The following EPB41 variants were observed in gnomAD, a reference collection of about 807,000 sequenced individuals.
EPB41 encodes the protein erythrocyte membrane protein band 4.1, also known as protein 4.1.
In EPB41, 65 loss-of-function variants were observed where a neutral mutation model predicts 108.0. The ratio of observed to expected loss-of-function variants is 0.60; its 90% confidence interval spans 0.49 to 0.74. The LOEUF is 0.74. EPB41 is among the 30% of genes least tolerant of loss of function. The pLI is 0.00. For missense variants in EPB41, 875 were observed against 1,037.0 expected (o/e 0.84, Z 2.15); for synonymous variants, 336 against 358.9 (o/e 0.94, Z 0.72).
chr1:29,072,091 C>T (rs879357729), intron 16 of EPB41: 1 of 152,098 alleles, frequency 6.6e-6, no homozygotes, highest in Admixed American at 6.6e-5. Flanking sequence ...TCATTATAGG[C>T]TTTCCCAAGA....
intron 11 of EPB41, among the ~76,000 whole-genome samples, chr1:29,040,486 C>T (rs1030588410): frequency 6.6e-5 from 10 of 151,838 alleles, no homozygotes; most frequent in East Asian, 3.9e-4. Context: ...TCACTATGTT[C>T]GCCAGGCTGG....
chr1:29,057,907 A>C (rs973633290), intron 12 of EPB41, among the ~76,000 whole-genome samples: 13 of 152,220 alleles, frequency 8.5e-5, no homozygotes, highest in African/African-American at 3.1e-4. Context: ...CAGTGTGTTG[A>C]ATGTTGCAGC....
chr1:29,025,494 G>T (rs2096707880), intron 7 of EPB41, among the ~76,000 whole-genome samples: 1 of 151,950 alleles, frequency 6.6e-6, no homozygotes. Flanking sequence ...TGGTTTAGAG[G>T]TATCTAATCT....
chr1:29,027,894 G>A (rs996810287), intron 7 of EPB41, among the ~76,000 whole-genome samples: 12 of 151,772 alleles, frequency 7.9e-5, no homozygotes, highest in African/African-American at 2.9e-4. Context: ...ACGCAATCTC[G>A]GCTCACCACA....
chr1:29,014,691 A>G (rs1035181136), intron 5 of EPB41, among the ~76,000 whole-genome samples: 9 of 152,188 alleles, frequency 5.9e-5, no homozygotes, highest in African/African-American at 1.9e-4. Flanking sequence ...TCAGTCTTCA[A>G]AGTACTGGGA....
intron 1 of EPB41, among the ~76,000 whole-genome samples, chr1:28,958,460 G>A (rs1249736219): frequency 1.3e-5 from 2 of 148,670 alleles, no homozygotes; most frequent in African/African-American, 5.0e-5. Flanking sequence ...AAAAAAAATT[G>A]TGTGTTACCT....
At chr1:28,897,647 G>GGGGAC (rs1557613996) in intron 1 of EPB41, among the ~76,000 whole-genome samples, 19 of 21,050 alleles carry the variant, frequency 9.0e-4, no homozygotes, top group African/African-American at 2.5e-3. Flanking sequence ...GAGGAGGGGA[G>GGGGAC]AGGAGGGGAG....
At chr1:29,013,500 T>A (rs2096535587) in intron 5 of EPB41, among the ~76,000 whole-genome samples, 3 of 152,146 alleles carry the variant, frequency 2.0e-5, no homozygotes, top group Non-Finnish European at 4.4e-5. Flanking sequence ...GGGGGTTTTT[T>A]AAATTTTGTT....
chr1:28,938,782 A>G (rs1358124636), intron 1 of EPB41, among the ~76,000 whole-genome samples: 2 of 152,150 alleles, frequency 1.3e-5, no homozygotes, highest in Non-Finnish European at 2.9e-5. Context: ...CTAGGATTAC[A>G]GGCATGAGCC....
At chr1:28,949,792 C>T (rs1181332453) in intron 1 of EPB41, among the ~76,000 whole-genome samples, 6 of 151,776 alleles carry the variant, frequency 4.0e-5, no homozygotes, top group South Asian at 4.2e-4. Context: ...TTAGTAGAGA[C>T]GAGGTTCTAC....
chr1:28,927,076 A>G (rs1421684688), intron 1 of EPB41, among the ~76,000 whole-genome samples: 1 of 152,228 alleles, frequency 6.6e-6, no homozygotes, highest in Non-Finnish European at 1.5e-5. Flanking sequence ...ATGTGAAAGT[A>G]AACATACAAG....
At chr1:28,921,565 A>T (rs1174111312) in intron 1 of EPB41, among the ~76,000 whole-genome samples, 3 of 151,558 alleles carry the variant, frequency 2.0e-5, no homozygotes, top group Admixed American at 6.6e-5. Flanking sequence ...GCTTTAAAAA[A>T]TTTTTTTTGC....
At chr1:29,072,184 T>C (rs1365331154) in intron 16 of EPB41, 5 of 152,160 alleles carry the variant, frequency 3.3e-5, no homozygotes, top group Non-Finnish European at 7.4e-5. Flanking sequence ...TATGTCTATT[T>C]ATAATATATA....
chr1:28,900,815 GC>G (rs1170803841), intron 1 of EPB41, among the ~76,000 whole-genome samples: 2 of 152,156 alleles, frequency 1.3e-5, no homozygotes, highest in Non-Finnish European at 2.9e-5. Flanking sequence ...CTTTGCACTT[GC>G]CAGTCCTTTG....
At chr1:29,075,970 A>T (rs1423200846) in intron 16 of EPB41, among the ~76,000 whole-genome samples, 1 of 152,204 alleles carries the variant, frequency 6.6e-6, no homozygotes, top group South Asian at 2.1e-4. Flanking sequence ...CTGAGATAAC[A>T]TATTACATCT....
intron 1 of EPB41, among the ~76,000 whole-genome samples, chr1:28,953,653 A>G (rs897613048): frequency 6.6e-6 from 1 of 152,256 alleles, no homozygotes; most frequent in African/African-American, 2.4e-5. Context: ...CCGTTTTCCA[A>G]TGAAGGTGAC....
intron 16 of EPB41, chr1:29,068,701 A>G (rs1649708644): frequency 8.2e-7 from 1 of 1,225,132 alleles, no homozygotes; most frequent in Non-Finnish European, 1.0e-6. Flanking sequence ...ATTGCAAGGC[A>G]ACTGAATTTT....
chr1:28,931,552 A>G (rs1486439162), intron 1 of EPB41, among the ~76,000 whole-genome samples: 18 of 149,216 alleles, frequency 1.2e-4, no homozygotes, highest in African/African-American at 4.4e-4. Flanking sequence ...TTTTTGAGAC[A>G]AAGTCTCGCT....
intron 1 of EPB41, among the ~76,000 whole-genome samples, chr1:28,969,933 G>A (rs925562106): frequency 7.2e-5 from 11 of 151,894 alleles, no homozygotes; most frequent in Admixed American, 5.9e-4. Context: ...AAACAAAACT[G>A]TGTGAAATTA....
Sources: allele counts gnomAD v4.1 joint callset (sites outside exome capture counted in the v4.1 genomes callset), GRCh38; gene constraint gnomAD v4.1.1; transcripts MANE v1.5; gene names NCBI Gene and HGNC (gene_info 2026-07-23, HGNC 2026-07-21).